TRPM7: variants seen among roughly 807,000 people sequenced by gnomAD.
TRPM7 encodes transient receptor potential cation channel subfamily M member 7.
A neutral mutation model predicts 229.7 loss-of-function variants in TRPM7; 134 were observed. The observed-to-expected ratio is 0.58, with a 90% CI of 0.51 to 0.67. TRPM7 has a LOEUF of 0.67. Among genes scored for constraint, TRPM7 ranks in the 30% least tolerant of loss-of-function variants. The pLI, the probability that TRPM7 is intolerant of heterozygous loss-of-function variation, is 0.00. For missense variants in TRPM7, 1,901 were observed against 2,210.0 expected, an observed-to-expected ratio of 0.86 and a Z score of 2.80; for synonymous variants, 699 against 715.2, an observed-to-expected ratio of 0.98 and a Z score of 0.36.
chr15:50,684,040 C>T (rs1168877031), intron 1 of TRPM7, among the ~76,000 whole-genome samples: 11 of 151,916 alleles, frequency 7.2e-5, no homozygotes, highest in South Asian at 4.1e-4. Flanking sequence ...TTAGTAGAGA[C>T]GGGGTTTCAC....
chr15:50,594,737 A>G (rs2059591235), intron 23 of TRPM7, 124 bp from the exon 24 acceptor site: 1 of 642,596 alleles, frequency 1.6e-6, no homozygotes, highest in Non-Finnish European at 2.5e-6. Context: ...TCTGTAAACA[A>G]AACTAATAGC....
At chr15:50,677,750 A>AC (rs2062127721) in intron 1 of TRPM7, among the ~76,000 whole-genome samples, 2 of 148,252 alleles carry the variant, frequency 1.3e-5, no homozygotes, top group Non-Finnish European at 3.0e-5. Flanking sequence ...AAAAAAAAAA[A>AC]AAAAAAAAAA....
At chr15:50,569,633 T>C (rs2053774094) in intron 38 of TRPM7, among the ~76,000 whole-genome samples, 1 of 152,192 alleles carries the variant, frequency 6.6e-6, no homozygotes, top group South Asian at 2.1e-4. Flanking sequence ...GGTTCAATAT[T>C]CTACTTTCAA....
At chr15:50,663,938 G>C (rs1250786247) in intron 1 of TRPM7, among the ~76,000 whole-genome samples, 1 of 151,988 alleles carries the variant, frequency 6.6e-6, no homozygotes, top group Non-Finnish European at 1.5e-5. Flanking sequence ...ACTCCAGCCT[G>C]AGTGAAAGAG....
rs1489207119 is a variant in TRPM7 at position 50,663,059 on chromosome 15, G to A, written c.4-13C>T. ...AGGATTTCTGGGACTAAAACAAAAT[G>A]TTTTAAAGAATTGTTTATAAGTTAA... On this transcript the variant is annotated splice_polypyrimidine_tract_variant and intron_variant, in intron 1 of 38. Coordinates refer to ENST00000646667, the MANE Select transcript of TRPM7 (RefSeq NM_017672.6). 1.3e-6 allele frequency: 2 copies of A among 1,598,298 alleles called. No individual in the cohort carries two copies. Among genetic ancestry groups the A allele is most frequent in the Non-Finnish European group, 1.7e-6 (2 of 1,167,134 alleles).
intron 36 of TRPM7, among the ~76,000 whole-genome samples, chr15:50,573,611 A>G (rs1596069842): frequency 6.6e-6 from 1 of 152,238 alleles, no homozygotes; most frequent in African/African-American, 2.4e-5. Flanking sequence ...TTTAGTTCAC[A>G]ATAACAGGTT....
chr15:50,575,897 T>C lies in TRPM7; in HGVS notation c.4641A>G (p.Pro1547=). Residue 1547 remains proline (P), a synonymous_variant, in exon 32 of 39, where the codon CCA becomes CCG. Coordinates refer to ENST00000646667, the MANE Select transcript of TRPM7 (RefSeq NM_017672.6). ...AATAATAGTAATTTGTATCCATAGC[T>C]GGCTTAAATGGAGAAGTGAGACCTA... is the stretch of plus-strand genomic sequence containing the variant. The part of the protein sequence containing the change: ...TLNGLTSPFK[P]AMDTNYYYSA... 6.2e-7 allele frequency: 1 copy of C among 1,613,478 alleles called. No individual in the cohort carries two copies. The highest frequency in any genetic ancestry group is 1.1e-5 in the South Asian group (1 of 91,024).
chr15:50,605,963 C>T (rs1205808987), intron 20 of TRPM7, among the ~76,000 whole-genome samples: 1 of 152,038 alleles, frequency 6.6e-6, no homozygotes, highest in Non-Finnish European at 1.5e-5. Flanking sequence ...AAAAGAAATT[C>T]TTATGATATC....
chr15:50,609,163 G>T (rs1193258661), intron 19 of TRPM7, among the ~76,000 whole-genome samples: 2 of 152,010 alleles, frequency 1.3e-5, no homozygotes, highest in Admixed American at 6.6e-5. Flanking sequence ...AAACAATCTG[G>T]ATTACTTTTT....
At position 50,591,894 on chromosome 15, in the gene TRPM7, G is replaced by C. The variant is rs200411051; in HGVS notation, c.4324+17C>G. 6.6e-7 allele frequency: 1 copy of C among 1,506,220 alleles called. No individual in the cohort carries two copies. The highest frequency in any genetic ancestry group is 8.9e-7 in the Non-Finnish European group (1 of 1,124,450). 93.3% of individuals were successfully genotyped at this position (1,506,220 alleles called of 1,614,324 possible). A position where few individuals can be genotyped will look rare whatever the true frequency, so the allele number is the denominator to read the frequency against. Reference sequence around the variant, plus strand: ...GTAAATAATATTGATATACAAATACGAATTTGCCAAACTTACCTACAAATG... The same window carrying C: ...GTAAATAATATTGATATACAAATACCAATTTGCCAAACTTACCTACAAATG... On this transcript the variant is annotated intron_variant, in intron 26 of 38. Coordinates refer to ENST00000646667, the MANE Select transcript of TRPM7 (RefSeq NM_017672.6).
intron 13 of TRPM7, among the ~76,000 whole-genome samples, chr15:50,614,936 G>C (rs191755923): frequency 6.6e-5 from 10 of 151,922 alleles, no homozygotes; most frequent in African/African-American, 2.2e-4. Context: ...TTGGGAAGCC[G>C]AGGCAGGCAG....
intron 1 of TRPM7, among the ~76,000 whole-genome samples, chr15:50,667,622 G>A (rs568338559): frequency 4.6e-5 from 7 of 152,282 alleles, no homozygotes; most frequent in Non-Finnish European, 1.0e-4. Context: ...CAGGAGAATC[G>A]CTTGAACCCA....
chr15:50,650,603 G>A lies in TRPM7; in HGVS notation c.123-1718C>T, dbSNP rs187249090. On this transcript the variant is annotated intron_variant, in intron 3 of 38. Transcript: ENST00000646667. ...CCAGCTTCTCAGGAGGCTGAGGCAGGAGAATCGCTTGAACCTGGGAGGCAG... is the reference window on the plus strand; with the variant it reads ...CCAGCTTCTCAGGAGGCTGAGGCAGAAGAATCGCTTGAACCTGGGAGGCAG... Among the ~76,000 whole-genome samples, 140 of 152,164 alleles carry A rather than the reference G, an allele frequency of 9.2e-4. 2 individuals are homozygous for A. The highest frequency in any genetic ancestry group is 1.8e-3 in the Admixed American group (27 of 15,274).
chr15:50,618,414 C>CA (rs1303915934), intron 13 of TRPM7, among the ~76,000 whole-genome samples: 4 of 151,752 alleles, frequency 2.6e-5, no homozygotes, highest in Non-Finnish European at 4.4e-5. Context: ...ACTAAAAATA[C>CA]AAAAAATTAG....
chr15:50,686,383 CGA>C, intron 1 of TRPM7, 146 bp downstream of exon 1: 4 of 1,357,754 alleles, frequency 2.9e-6, no homozygotes, highest in Non-Finnish European at 4.2e-6. Context: ...ACACCCGTCC[CGA>C]GAGGACAAAT....
At chr15:50,619,224 T>TTC (rs1019690379) in intron 13 of TRPM7, among the ~76,000 whole-genome samples, 18 of 116,442 alleles carry the variant, frequency 1.5e-4, no homozygotes, top group African/African-American at 5.2e-4. Flanking sequence ...CTTTTTTTTC[T>TTC]TTTTTTTTTT....
intron 3 of TRPM7, among the ~76,000 whole-genome samples, chr15:50,651,874 A>G (rs2061430637): frequency 6.6e-6 from 1 of 152,122 alleles, no homozygotes; most frequent in Admixed American, 6.6e-5. Flanking sequence ...GCGACGGAGC[A>G]AGATTCCTTC....
chr15:50,637,889 T>A (rs905267795), intron 6 of TRPM7, among the ~76,000 whole-genome samples: 4 of 152,172 alleles, frequency 2.6e-5, no homozygotes, highest in South Asian at 2.1e-4. Flanking sequence ...AATAAACTAT[T>A]ATCAGATTAT....
rs775564892 is a variant in TRPM7, at chr15:50,648,756, T to C, written c.252A>G (p.Thr84=). The change falls in exon 4 of 39, where the codon ACA becomes ACG. Residue 84 remains threonine (T), a synonymous_variant. Coordinates refer to ENST00000646667, the MANE Select transcript of TRPM7 (RefSeq NM_017672.6). ...CATAAGCATCCGTTGGGCTCTGTTC[T>C]GTATGCTTTTCCACAGACCATTCTT... ...AIEEWSVEKH[T]EQSPTDAYGV... 2 of 1,613,676 alleles carry C rather than the reference T, an allele frequency of 1.2e-6. No homozygotes were observed. The highest frequency in any genetic ancestry group is 2.2e-5 in the East Asian group (1 of 44,856).
Sources: allele counts gnomAD v4.1 joint callset (sites outside exome capture counted in the v4.1 genomes callset), GRCh38; gene constraint gnomAD v4.1.1; transcripts MANE v1.5; gene names NCBI Gene and HGNC (gene_info 2026-07-23, HGNC 2026-07-21).